ZC3H12D: variants seen among roughly 807,000 people sequenced by gnomAD.
The protein encoded by ZC3H12D is zinc finger CCCH-type containing 12D, also known as probable ribonuclease ZC3H12D.
A neutral mutation model predicts 24.2 loss-of-function variants in ZC3H12D; 11 were observed. The observed-to-expected ratio is 0.46, with a 90% confidence interval of 0.29 to 0.75. ZC3H12D has a LOEUF of 0.75. Ranked by LOEUF, ZC3H12D falls within the 30% of genes least tolerant of loss-of-function variation. The pLI, the probability that ZC3H12D is intolerant of heterozygous loss-of-function variation, is 0.11. For synonymous variants in ZC3H12D, 333 were observed against 341.8 expected, an observed-to-expected ratio of 0.97 and a Z score of 0.28; for missense variants, 740 against 767.7, an observed-to-expected ratio of 0.96 and a Z score of 0.43.
intron 2 of ZC3H12D, among the ~76,000 whole-genome samples, chr6:149,471,289 T>C (rs1448816591): frequency 6.6e-6 from 1 of 152,180 alleles, no homozygotes; most frequent in Non-Finnish European, 1.5e-5. Context: ...CTACCTATTG[T>C]GTCATGGCTA....
chr6:149,456,720 T>G lies in ZC3H12D; in HGVS notation c.626A>C (p.Glu209Ala), dbSNP rs1242355188. The change falls in exon 4 of 6, where the codon GAG becomes GCG. Residue 209 changes from glutamate (E) to alanine (A), a missense_variant. Glu to Ala is a moderately radical substitution (Grantham distance 107). Transcript: ENST00000409806. The surrounding 1 kb of genome is among the most constrained non-coding windows in gnomAD (Gnocchi z 4.3). ...NYRDLQSENP[E>A]WKWFIEQRLL... ...CCTCTGCTCGATGAACCACTTCCAC[T>G]CGGGGTTCTCGCTCTGCAGGTCCCG... The G allele has an allele frequency of 6.3e-7, 1 of 1,596,882 alleles. No homozygotes were observed. The highest frequency in any genetic ancestry group is 8.6e-7 in the Non-Finnish European group (1 of 1,168,822).
intron 1 of ZC3H12D, among the ~76,000 whole-genome samples, chr6:149,480,151 A>C (rs138334532): frequency 2.6e-5 from 4 of 152,226 alleles, no homozygotes; most frequent in African/African-American, 9.6e-5. Flanking sequence ...AGCTCTATGA[A>C]AACAAAATAA....
intron 1 of ZC3H12D, among the ~76,000 whole-genome samples, chr6:149,477,392 C>T (rs966792577): frequency 1.3e-5 from 2 of 152,248 alleles, no homozygotes; most frequent in African/African-American, 4.8e-5. Context: ...ACCCCAGGGG[C>T]ACCAGCCCCT....
Position 149,456,339 on chromosome 6 carries a change from A to G in ZC3H12D, c.680+327T>C, listed in dbSNP as rs1394596085. On this transcript the variant is annotated intron_variant, in intron 4 of 5. Transcript: ENST00000409806. This position sits in a 1 kb window ranked among gnomAD's most constrained non-coding sequence, Gnocchi z 4.3. ...ATACAACAAAGTACAGATCTTTTCC[A>G]TGATGACTATTTCAATATTCTGAAG... 1.3e-5 allele frequency among the ~76,000 whole-genome samples: 2 copies of G among 152,238 alleles called. No homozygotes were observed. The highest frequency in any genetic ancestry group is 1.9e-4 in the East Asian group (1 of 5,204).
chr6:149,451,216 A>T lies in ZC3H12D; in HGVS notation c.1051T>A (p.Phe351Ile). 7.7e-7 allele frequency: 1 copy of T among 1,305,606 alleles called. No individual in the cohort carries two copies. Among genetic ancestry groups the T allele is most frequent in the Non-Finnish European group, 9.7e-7 (1 of 1,033,314 alleles). 80.9% of individuals were successfully genotyped at this position (1,305,606 alleles called of 1,614,324 possible). The change falls in exon 6 of 6, where the codon TTC becomes ATC. Residue 351 changes from phenylalanine to isoleucine, a missense_variant. Physicochemically the swap from Phe to Ile is conservative, Grantham distance 21. Transcript: ENST00000409806. ...CCCAGGGGCCCCAGGTCGTCGCTGA[A>T]GGCCAGCCGAGAGAAGCTCCCTCGC... Reference protein sequence around the residue: ...ALRGSFSRLAFSDDLGPLGPP... With the variant: ...ALRGSFSRLAISDDLGPLGPP...
intron 4 of ZC3H12D, among the ~76,000 whole-genome samples, chr6:149,454,379 G>T (rs1775948201): frequency 1.3e-5 from 2 of 152,226 alleles, no homozygotes; most frequent in African/African-American, 4.8e-5. Flanking sequence ...TTTATGGGTT[G>T]CTGTCCCCCT....
At chr6:149,467,116 A>G (rs1022849625) in intron 2 of ZC3H12D, among the ~76,000 whole-genome samples, 9 of 152,284 alleles carry the variant, frequency 5.9e-5, no homozygotes, top group Non-Finnish European at 1.2e-4. Context: ...ACTCCCCAGC[A>G]CACAGACAGG....
At chr6:149,459,663 T>C in intron 3 of ZC3H12D, 1 of 718,038 alleles carries the variant, frequency 1.4e-6, no homozygotes, top group East Asian at 2.7e-5. Context: ...CCTCCACTCA[T>C]TTCCCATCCC....
At chr6:149,460,933 A>G (rs1776063110) in intron 3 of ZC3H12D, among the ~76,000 whole-genome samples, 1 of 152,184 alleles carries the variant, frequency 6.6e-6, no homozygotes, top group Non-Finnish European at 1.5e-5. Flanking sequence ...GAGCCAGGGG[A>G]GAGCAAGTCT....
At chr6:149,477,290 G>C (rs1240259412) in intron 1 of ZC3H12D, among the ~76,000 whole-genome samples, 2 of 152,226 alleles carry the variant, frequency 1.3e-5, no homozygotes, top group African/African-American at 4.8e-5. Flanking sequence ...CAGCCCCCTG[G>C]ACAGAGAGGC....
At chr6:149,458,949 G>A (rs1776030791) in intron 3 of ZC3H12D, among the ~76,000 whole-genome samples, 1 of 152,114 alleles carries the variant, frequency 6.6e-6, no homozygotes, top group Non-Finnish European at 1.5e-5. Flanking sequence ...TTGATTCATT[G>A]TCTTTGTCTC....
intron 4 of ZC3H12D, among the ~76,000 whole-genome samples, chr6:149,454,103 C>A (rs1176147470): frequency 6.6e-6 from 1 of 152,186 alleles, no homozygotes; most frequent in African/African-American, 2.4e-5. Flanking sequence ...TCCTCCTCTG[C>A]GCACCCTGGG....
At position 149,456,623 on chromosome 6, in the gene ZC3H12D, G is replaced by GCCCCCCCCCC; in HGVS notation, c.680+42_680+43insGGGGGGGGGG. 2.1e-5 allele frequency: 16 copies of GCCCCCCCCCC among 744,572 alleles called. No homozygotes were observed. The highest frequency in any genetic ancestry group is 3.1e-5 in the Non-Finnish European group (14 of 456,092). The allele number at this position is 744,572 out of a possible 1,614,324, so 46.1% of individuals were successfully genotyped here. ...GCCACTGCCTCGACCCCGGCCCCCC[G>GCCCCCCCCCC]CCCCGCCGCCCCCCAGGGTGTCAGG... On this transcript the variant is annotated intron_variant, in intron 4 of 5. Transcript: ENST00000409806. This position sits in a 1 kb window ranked among gnomAD's most constrained non-coding sequence, Gnocchi z 4.3.
intron 3 of ZC3H12D, among the ~76,000 whole-genome samples, chr6:149,461,352 A>AAAGAAG (rs34651748): frequency 8.8e-5 from 13 of 147,380 alleles, no homozygotes; most frequent in African/African-American, 3.3e-4. Context: ...AAAAAAAAAA[A>AAAGAAG]AAGAAGAAGA....
At position 149,456,568 on chromosome 6, in the gene ZC3H12D, C is replaced by A; in HGVS notation, c.680+98G>T. 9.2e-7 allele frequency: 1 copy of A among 1,091,762 alleles called. No homozygotes were observed. Among genetic ancestry groups the A allele is most frequent in the South Asian group, 1.5e-5 (1 of 67,818 alleles). 67.6% of individuals were successfully genotyped at this position (1,091,762 alleles called of 1,614,324 possible). On this transcript the variant is annotated intron_variant, in intron 4 of 5. Transcript: ENST00000409806. This position sits in a 1 kb window ranked among gnomAD's most constrained non-coding sequence, Gnocchi z 4.3. ...CTGAGGGGCTGGGTGACCGGGTGAC[C>A]CCAAGCTCCTCCACCTGGTAGCAGG...
intron 1 of ZC3H12D, among the ~76,000 whole-genome samples, chr6:149,477,420 A>T (rs1776359045): frequency 6.6e-6 from 1 of 152,230 alleles, no homozygotes; most frequent in South Asian, 2.1e-4. Context: ...GCCAAATCCA[A>T]CAACACTTTC....
chr6:149,466,104 C>G (rs1220142961), intron 2 of ZC3H12D, among the ~76,000 whole-genome samples: 1 of 152,112 alleles, frequency 6.6e-6, no homozygotes, highest in African/African-American at 2.4e-5. Context: ...TGGGGATGGA[C>G]AAGCTGGCAC....
chr6:149,469,193 C>A (rs549697900), intron 2 of ZC3H12D, among the ~76,000 whole-genome samples: 1 of 152,172 alleles, frequency 6.6e-6, no homozygotes, highest in Non-Finnish European at 1.5e-5. Flanking sequence ...AGCGATGGCT[C>A]AAGCCTGTAA....
At chr6:149,465,117 G>A (rs1342430652) in intron 2 of ZC3H12D, among the ~76,000 whole-genome samples, 2 of 152,242 alleles carry the variant, frequency 1.3e-5, no homozygotes, top group African/African-American at 4.8e-5. Context: ...ACTTTGGGAG[G>A]CTGAGGTGGG....
Sources: allele counts gnomAD v4.1 joint callset (sites outside exome capture counted in the v4.1 genomes callset), GRCh38; gene constraint gnomAD v4.1.1; non-coding constraint Gnocchi (gnomAD v3.1); transcripts MANE v1.5; gene names NCBI Gene and HGNC (gene_info 2026-07-23, HGNC 2026-07-21).